Variants in MSN observed in about 807,000 individuals in gnomAD.
MSN encodes epididymis luminal protein 70.
A neutral mutation model predicts 48.0 loss-of-function variants in MSN; 2 were observed. The observed-to-expected ratio is 0.04, with a 90% CI of 0.02 to 0.13. The LOEUF is 0.13. Among genes scored for constraint, MSN ranks in the 10% least tolerant of loss-of-function variants. MSN has a pLI of 1.00. For synonymous variants in MSN, 146 were observed against 166.9 expected (o/e 0.87, Z 0.97); for missense variants, 267 against 470.1 (o/e 0.57, Z 3.99).
At chrX:65,650,556 T>C (rs768440266) in intron 1 of MSN, among the ~76,000 whole-genome samples, 1 of 112,426 alleles carries the variant, frequency 8.9e-6, no homozygotes, top group East Asian at 2.8e-4. Flanking sequence ...CCCTAAGGCA[T>C]GCCCAAGATT....
chrX:65,685,675 A>G (rs1249866205), intron 1 of MSN, among the ~76,000 whole-genome samples: 1 of 111,792 alleles, frequency 8.9e-6, no homozygotes, highest in Non-Finnish European at 1.9e-5. Flanking sequence ...GGCTCACGGT[A>G]GCCTCCACCT....
At chrX:65,636,767 AAAAAAAACC>A (rs1262644814) in intron 1 of MSN, among the ~76,000 whole-genome samples, 72 of 101,992 alleles carry the variant, frequency 7.1e-4, no homozygotes, top group African/African-American at 2.5e-3. Context: ...AAAAAAAAAA[AAAAAAAACC>A]AGAAAGAAAG....
At chrX:65,668,909 ACTG>A (rs1187944264) in intron 1 of MSN, among the ~76,000 whole-genome samples, 1 of 111,238 alleles carries the variant, frequency 9.0e-6, no homozygotes, top group Non-Finnish European at 1.9e-5. Context: ...TCTCCCCAGG[ACTG>A]CTTGAGCCTT....
chrX:65,716,978 C>A (rs953002949), intron 2 of MSN, 77 bp downstream of exon 2: 3 of 912,746 alleles, frequency 3.3e-6, no homozygotes, highest in South Asian at 2.1e-5. Flanking sequence ...ATGACTTTTG[C>A]CTCTTGTCAA....
At chrX:65,656,789 C>G (rs2148377484) in intron 1 of MSN, among the ~76,000 whole-genome samples, 1 of 110,582 alleles carries the variant, frequency 9.0e-6, no homozygotes, top group Admixed American at 9.7e-5. Flanking sequence ...CCGGGAAGCC[C>G]AGAGACAAGA....
intron 1 of MSN, among the ~76,000 whole-genome samples, chrX:65,652,449 C>T (rs1236475831): frequency 9.0e-6 from 1 of 111,441 alleles, no homozygotes; most frequent in African/African-American, 3.3e-5. Flanking sequence ...AAGACCTCTC[C>T]AGTTTCCAGG....
At chrX:65,656,265 CTGTGTG>C (rs3087113) in intron 1 of MSN, among the ~76,000 whole-genome samples, 2,161 of 92,786 alleles carry the variant, frequency 0.023, 74 homozygotes, top group African/African-American at 0.077. Flanking sequence ...AGATCTATGC[CTGTGTG>C]TGTGTGTGTG....
At chrX:65,602,775 T>C (rs185292914) in intron 1 of MSN, among the ~76,000 whole-genome samples, 179 of 112,347 alleles carry the variant, frequency 1.6e-3, no homozygotes, top group African/African-American at 5.5e-3. Context: ...ATAATGTATG[T>C]ATGGTGCCCC....
At chrX:65,590,103 C>T (rs2070133555) in intron 1 of MSN, among the ~76,000 whole-genome samples, 1 of 110,729 alleles carries the variant, frequency 9.0e-6, no homozygotes. Context: ...GTGTGAGCCA[C>T]CGGGGCCGGC....
At chrX:65,731,558 A>G (rs1250111199) in intron 5 of MSN, among the ~76,000 whole-genome samples, 3 of 111,016 alleles carry the variant, frequency 2.7e-5, no homozygotes, top group African/African-American at 9.8e-5. Context: ...AATGAATGAG[A>G]GAAAGAAAAT....
At chrX:65,624,239 C>T (rs776082698) in intron 1 of MSN, among the ~76,000 whole-genome samples, 15 of 109,080 alleles carry the variant, frequency 1.4e-4, no homozygotes, top group Non-Finnish European at 2.8e-4. Flanking sequence ...CCACCACACC[C>T]GGCTAATTTT....
chrX:65,725,978 T>G (rs769784102), intron 2 of MSN, among the ~76,000 whole-genome samples: 1 of 112,182 alleles, frequency 8.9e-6, no homozygotes, highest in South Asian at 3.7e-4. Flanking sequence ...AGAGGAAATA[T>G]GCTACCTTGA....
At chrX:65,700,392 GCCCACTCCCTGC>G (rs2071290682) in intron 1 of MSN, among the ~76,000 whole-genome samples, 1 of 111,730 alleles carries the variant, frequency 9.0e-6, no homozygotes. Context: ...GGGTTTTCTA[GCCCACTCCCTGC>G]CTCACTCCAG....
chrX:65,716,532 T>A, intron 1 of MSN: 1 of 369,864 alleles, frequency 2.7e-6, no homozygotes, highest in East Asian at 6.6e-5. Flanking sequence ...CACCTCGGCC[T>A]CCCAAAGTGC....
chrX:65,650,657 A>G (rs1038995808), intron 1 of MSN, among the ~76,000 whole-genome samples: 2 of 112,326 alleles, frequency 1.8e-5, no homozygotes, highest in African/African-American at 6.5e-5. Flanking sequence ...AGCAGAACAG[A>G]CCTATTTCCT....
At chrX:65,630,997 A>G (rs950794361) in intron 1 of MSN, among the ~76,000 whole-genome samples, 1 of 111,258 alleles carries the variant, frequency 9.0e-6, no homozygotes, top group African/African-American at 3.3e-5. Flanking sequence ...ATTGACATCG[A>G]TATAGTCAAG....
chrX:65,725,200 T>G (rs2071556385), intron 2 of MSN, among the ~76,000 whole-genome samples: 1 of 111,517 alleles, frequency 9.0e-6, no homozygotes, highest in South Asian at 3.8e-4. Flanking sequence ...CACCTCTCAT[T>G]ACATACTACC....
intron 1 of MSN, among the ~76,000 whole-genome samples, chrX:65,678,161 C>T (rs374766182): frequency 9.0e-6 from 1 of 111,646 alleles, no homozygotes; most frequent in Non-Finnish European, 1.9e-5. Flanking sequence ...TTTTCTCCCC[C>T]CTCAAGTTAC....
chrX:65,592,418 A>T (rs1458022761), intron 1 of MSN, among the ~76,000 whole-genome samples: 1 of 106,906 alleles, frequency 9.4e-6, no homozygotes, highest in Admixed American at 1.0e-4. Flanking sequence ...CTGGTCTCGA[A>T]CTCCTGACCT....
Sources: allele counts gnomAD v4.1 joint callset (sites outside exome capture counted in the v4.1 genomes callset), GRCh38; gene constraint gnomAD v4.1.1; transcripts MANE v1.5; gene names NCBI Gene and HGNC (gene_info 2026-07-23, HGNC 2026-07-21).